SNX25: variants seen among roughly 807,000 people sequenced by gnomAD.
The protein encoded by SNX25 is sorting nexin 25.
SNX25 carries 62 observed loss-of-function variants against 113.7 expected under a neutral mutation model. The observed-to-expected ratio is 0.55, with a 90% CI of 0.44 to 0.67. The LOEUF (loss-of-function observed/expected upper bound fraction) is 0.67. Ranked by LOEUF, SNX25 falls within the 30% of genes least tolerant of loss-of-function variation. The probability of loss-of-function intolerance (pLI) is 0.00; values close to 1 mark genes in which losing one functional copy is unlikely to be tolerated. For synonymous variants in SNX25, 421 were observed against 436.2 expected, an observed-to-expected ratio of 0.97 and a Z score of 0.43; for missense variants, 1,014 against 1,161.0, an observed-to-expected ratio of 0.87 and a Z score of 1.84.
intron 5 of SNX25, among the ~76,000 whole-genome samples, chr4:185,277,172 G>C (rs1434084305): frequency 6.6e-6 from 1 of 152,098 alleles, no homozygotes; most frequent in Non-Finnish European, 1.5e-5. Flanking sequence ...TTACAGGCGT[G>C]TGCTACCACA....
At chr4:185,267,306 C>T (rs3112865) in intron 5 of SNX25, 151 bp downstream of exon 5, 303,090 of 707,742 alleles carry the variant, frequency 0.43, 67,273 homozygotes, top group East Asian at 0.61. Flanking sequence ...ATTTATCCAG[C>T]GTCTCCTTAG....
At position 185,360,686 on chromosome 4, in the gene SNX25, C is replaced by A. The variant is rs111859485; in HGVS notation, c.2652-1238C>A. ...ATGACTGGCCGGGTGCGGTGGCTCA[C>A]GCCTGTAATCCCAGCACTTTGGGAG... On this transcript the variant is annotated intron_variant, in intron 16 of 18. Transcript: ENST00000652585. 5.9e-5 allele frequency among the ~76,000 whole-genome samples: 9 copies of A among 152,168 alleles called. 1 individual carries two copies. The highest frequency in any genetic ancestry group is 2.2e-4 in the African/African-American group (9 of 41,514).
chr4:185,362,618 T>A lies in SNX25; in HGVS notation c.2841T>A (p.Leu947=). 3.1e-6 allele frequency: 5 copies of A among 1,614,034 alleles called. No homozygotes were observed. Among genetic ancestry groups the A allele is most frequent in the South Asian group, 2.2e-5 (2 of 91,076 alleles). Residue 947 remains leucine (L), a synonymous_variant, in exon 18 of 19, where the codon CTT becomes CTA. Transcript: ENST00000652585. ...CTACACTTAATTTTTCAGATATGCT[T>A]CAGAGCCTTGTTGGACAGCAAAATG... ...QKLLENIPDM[L]QSLVGQQNAR...
intron 16 of SNX25, among the ~76,000 whole-genome samples, chr4:185,358,418 G>C (rs2095348336): frequency 6.6e-6 from 1 of 152,182 alleles, no homozygotes. Context: ...CCCTGGGTTT[G>C]TTATTGAGAA....
chr4:185,226,909 T>C (rs1049332523), intron 1 of SNX25, among the ~76,000 whole-genome samples: 9 of 152,198 alleles, frequency 5.9e-5, no homozygotes, highest in African/African-American at 1.9e-4. Context: ...AATAAGGAGA[T>C]GTATTCTCTT....
intron 1 of SNX25, among the ~76,000 whole-genome samples, chr4:185,228,618 C>T (rs1741363276): frequency 2.0e-5 from 3 of 152,086 alleles, no homozygotes; most frequent in Admixed American, 1.3e-4. Context: ...TCATTGCAGC[C>T]TTTACCTCTT....
chr4:185,376,901 AATG>A, the SNX25 span: 1 of 1,590,556 alleles, frequency 6.3e-7, no homozygotes, highest in Non-Finnish European at 8.6e-7. Context: ...ATAAACAAAA[AATG>A]ATACCTCTTC....
chr4:185,331,161 T>C (rs1439549760), intron 9 of SNX25, among the ~76,000 whole-genome samples: 2 of 152,212 alleles, frequency 1.3e-5, no homozygotes, highest in Admixed American at 6.5e-5. Flanking sequence ...GTGGGAACTT[T>C]TGGAAATTTA....
At chr4:185,355,513 T>G (rs964077818) in intron 15 of SNX25, among the ~76,000 whole-genome samples, 1 of 152,154 alleles carries the variant, frequency 6.6e-6, no homozygotes, top group Non-Finnish European at 1.5e-5. Context: ...AAAGTTAAAT[T>G]CTAAAGTGCA....
intron 7 of SNX25, 109 bp from the exon 8 acceptor site, chr4:185,320,624 T>TA: frequency 1.3e-6 from 1 of 754,072 alleles, no homozygotes; most frequent in Non-Finnish European, 2.0e-6. Flanking sequence ...TTTATTCCTT[T>TA]AAAAAATGCA....
intron 6 of SNX25, among the ~76,000 whole-genome samples, chr4:185,306,566 G>C (rs1754504825): frequency 6.6e-6 from 1 of 152,114 alleles, no homozygotes; most frequent in Non-Finnish European, 1.5e-5. Flanking sequence ...TGTAATGGTT[G>C]GTAAATGGGT....
In SNX25 at chr4:185,341,937, A is replaced by G. The variant is rs756924414; in HGVS notation, c.2047-39A>G. The G allele has an allele frequency of 1.2e-5, 18 of 1,555,688 alleles. No individual in the cohort carries two copies. The Admixed American group carries it at 3.3e-4, about 29-fold the overall frequency. On this transcript the variant is annotated intron_variant, in intron 11 of 18. Coordinates refer to ENST00000652585, the MANE Select transcript of SNX25 (RefSeq NM_001378034.2). The stretch of plus-strand genomic sequence containing the variant: ...GATCTTCCTTCTGCATCCATTCACC[A>G]TGCTTTTTGTAAGTATCGATTTTGA...
At chr4:185,376,712 T>G in the SNX25 span, among the ~76,000 whole-genome samples, 78 of 152,332 alleles carry the variant, frequency 5.1e-4, no homozygotes, top group African/African-American at 1.8e-3. Context: ...TTTCATGACA[T>G]GGATTTTATG....
chr4:185,275,080 G>A (rs937256045), intron 5 of SNX25, among the ~76,000 whole-genome samples: 6 of 152,180 alleles, frequency 3.9e-5, no homozygotes, highest in Admixed American at 3.3e-4. Context: ...AACATCAGAA[G>A]TGTTGACAGC....
intron 6 of SNX25, among the ~76,000 whole-genome samples, chr4:185,301,645 G>A (rs1053797898): frequency 2.6e-5 from 4 of 152,126 alleles, no homozygotes; most frequent in Admixed American, 1.3e-4. Flanking sequence ...GGAGTGCAGT[G>A]GCACAATCTA....
At position 185,362,111 on chromosome 4, in the gene SNX25, G is replaced by A. The variant is rs774583825; in HGVS notation, c.2833+6G>A. 5 of 1,605,428 alleles carry A rather than the reference G, an allele frequency of 3.1e-6. No homozygotes were observed. In the African/African-American group the frequency reaches 5.4e-5, roughly 17 times the overall value. ...GCTGCTTGAAAACATTCCAGGTGAG[G>A]CCTGGGCTATTAGCCTGAAAAGCAT... On this transcript the variant is annotated splice_donor_region_variant and intron_variant, in intron 17 of 18. Coordinates refer to ENST00000652585, the MANE Select transcript of SNX25 (RefSeq NM_001378034.2).
chr4:185,207,286 G>A (rs921838188), upstream of SNX25, among the ~76,000 whole-genome samples: 19 of 134,588 alleles, frequency 1.4e-4, no homozygotes, highest in African/African-American at 3.9e-4. Flanking sequence ...GTGCGATCTC[G>A]GCTCACTGCA....
At chr4:185,310,486 T>G (rs1755093582) in intron 6 of SNX25, 149 bp from the exon 7 acceptor site, 2 of 518,870 alleles carry the variant, frequency 3.9e-6, no homozygotes, top group African/African-American at 3.9e-5. Context: ...GGAGTATGTA[T>G]ATGTATTTAT....
chr4:185,248,594 A>G (rs1194090544), intron 2 of SNX25, among the ~76,000 whole-genome samples: 1 of 152,086 alleles, frequency 6.6e-6, no homozygotes, highest in African/African-American at 2.4e-5. Flanking sequence ...AGAGATTTGC[A>G]GTGAGCCTAG....
Sources: allele counts gnomAD v4.1 joint callset (sites outside exome capture counted in the v4.1 genomes callset), GRCh38; gene constraint gnomAD v4.1.1; transcripts MANE v1.5; gene names NCBI Gene and HGNC (gene_info 2026-07-23, HGNC 2026-07-21).